ARAP1: variants seen among roughly 807,000 people sequenced by gnomAD.
The protein encoded by ARAP1 is ArfGAP with RhoGAP domain, ankyrin repeat and PH domain 1.
A neutral mutation model predicts 172.2 loss-of-function variants in ARAP1; 76 were observed. The ratio of observed to expected loss-of-function variants is 0.44; its 90% CI spans 0.37 to 0.53. ARAP1 has a LOEUF of 0.53. Ranked by LOEUF, ARAP1 falls within the 20% of genes least tolerant of loss-of-function variation. The probability of loss-of-function intolerance (pLI) is 0.00; values close to 1 mark genes in which losing one functional copy is unlikely to be tolerated. For synonymous variants in ARAP1, 804 were observed against 803.3 expected (o/e 1.00, Z -0.01); for missense variants, 1,686 against 1,977.5 (o/e 0.85, Z 2.80).
Position 72,735,726 on chromosome 11 carries a change from C to T in ARAP1, c.-127-3129G>A, listed in dbSNP as rs1197117967. 3.3e-5 allele frequency among the ~76,000 whole-genome samples: 5 copies of T among 152,316 alleles called. No individual in the cohort carries two copies. The East Asian group carries it at 7.7e-4, about 24-fold the overall frequency. On this transcript the variant is annotated intron_variant, in intron 1 of 34. Coordinates refer to ENST00000393609, the MANE Select transcript of ARAP1 (RefSeq NM_001040118.3). ...ACCAGGTCTGGGAAACAGGAAACTA[C>T]TTATCTCCCTGAGAAAAGCCTGGCT...
In ARAP1 at chr11:72,703,077, G is replaced by A. The variant is rs1300004837; in HGVS notation, c.1995C>T (p.Ala665=). Reference sequence around the variant, plus strand: ...CTGTGGTGGTGACTGCAGCACACAGGGCCTAGGAAGAGGCAGGGGAGGGTC... The same window carrying A: ...CTGTGGTGGTGACTGCAGCACACAGAGCCTAGGAAGAGGCAGGGGAGGGTC... ...LFGNQEELDK[A]LCAAVTTTDL... Residue 665 remains alanine, a splice_region_variant and synonymous_variant, in exon 15 of 35, where the codon GCC becomes GCT. Transcript: ENST00000393609. The A allele has an allele frequency of 6.4e-7, 1 of 1,562,124 alleles. No individual in the cohort carries two copies.
At chr11:72,729,993 C>A (rs1346600056) in intron 2 of ARAP1, among the ~76,000 whole-genome samples, 1 of 150,646 alleles carries the variant, frequency 6.6e-6, no homozygotes, top group Non-Finnish European at 1.5e-5. Flanking sequence ...CCAGAAGGCA[C>A]ACAGAAAAGA....
At chr11:72,697,223 G>C (rs763844351) in intron 21 of ARAP1, 28 bp from the exon 22 acceptor site, 24 of 1,593,420 alleles carry the variant, frequency 1.5e-5, no homozygotes, top group Admixed American at 5.0e-5. Context: ...CAAGCGTTCG[G>C]GGCCTGAGGC....
At chr11:72,706,153 C>T (rs1856751379) in intron 12 of ARAP1, among the ~76,000 whole-genome samples, 1 of 152,226 alleles carries the variant, frequency 6.6e-6, no homozygotes, top group East Asian at 1.9e-4. Context: ...TTGCAGGCCA[C>T]TCTTAACAAA....
intron 14 of ARAP1, 49 bp from the exon 15 acceptor site, chr11:72,703,128 C>T (rs553325924): frequency 3.4e-6 from 5 of 1,475,512 alleles, no homozygotes; most frequent in African/African-American, 1.4e-5. Flanking sequence ...AGGGGGCCCA[C>T]AAGGAAAGGG....
Position 72,685,531 on chromosome 11 carries a change from G to T in ARAP1, c.*133C>A. 7.8e-7 allele frequency: 1 copy of T among 1,276,912 alleles called. No individual in the cohort carries two copies. The highest frequency in any genetic ancestry group is 1.1e-6 in the Non-Finnish European group (1 of 884,278). 79.1% of individuals were successfully genotyped at this position (1,276,912 alleles called of 1,614,324 possible). A position where few individuals can be genotyped will look rare whatever the true frequency, so the allele number is the denominator to read the frequency against. On this transcript the variant is annotated 3_prime_UTR_variant, in exon 35 of 35. Transcript: ENST00000393609. ...GGGAACCCCATGCTGCAGTCAGGATGGAGGATGTGGGTTGTGGGGTGCAGT... is the reference window on the plus strand; with the variant it reads ...GGGAACCCCATGCTGCAGTCAGGATTGAGGATGTGGGTTGTGGGGTGCAGT...
intron 3 of ARAP1, among the ~76,000 whole-genome samples, chr11:72,720,186 T>G (rs2365439): frequency 0.67 from 101,753 of 152,010 alleles, 35,381 homozygotes; most frequent in African/African-American, 0.85. Context: ...CAGTGATCTG[T>G]GGACATCTGT....
chr11:72,706,406 C>A (rs751053880), intron 12 of ARAP1, among the ~76,000 whole-genome samples: 1 of 152,192 alleles, frequency 6.6e-6, no homozygotes, highest in Non-Finnish European at 1.5e-5. Context: ...TGCTCCTCCA[C>A]CTGGATCCCC....
At chr11:72,714,050 T>C in intron 4 of ARAP1, 102 bp downstream of exon 4, 1 of 1,272,978 alleles carries the variant, frequency 7.9e-7, no homozygotes, top group Non-Finnish European at 1.0e-6. Context: ...GGTGGCAGGC[T>C]TGCACAGAAA....
rs751419030 is a variant in ARAP1, at chr11:72,695,079, C to T, written c.3595G>A (p.Ala1199Thr). The change falls in exon 27 of 35, where the codon GCT becomes ACT. Residue 1199 changes from alanine (A) to threonine (T), a missense_variant. This residue lies in a region of ARAP1 where 379 missense variants were observed against 500.1 expected (regional missense o/e 0.76). Coordinates refer to ENST00000393609, the MANE Select transcript of ARAP1 (RefSeq NM_001040118.3). The surrounding 1 kb of genome is among the most constrained non-coding windows in gnomAD (Gnocchi z 4.4). ...AGGATCTCCAGGGTGAGCTCCTCAGCAGTCATGGATGCTGGGACCTGCAAG... is the reference window on the plus strand; with the variant it reads ...AGGATCTCCAGGGTGAGCTCCTCAGTAGTCATGGATGCTGGGACCTGCAAG... Reference protein sequence around the residue: ...QHIKVPASMTAEELTLEILDR... With the variant: ...QHIKVPASMTTEELTLEILDR... 2.5e-6 allele frequency: 4 copies of T among 1,614,050 alleles called. No homozygotes were observed. In the East Asian group the frequency reaches 6.7e-5, roughly 27 times the overall value.
intron 33 of ARAP1, chr11:72,687,125 C>A (rs1424581406): frequency 6.4e-5 from 26 of 405,386 alleles, no homozygotes; most frequent in Non-Finnish European, 9.6e-5. Flanking sequence ...ATCCCCTGGG[C>A]TCTTCACTGC....
Position 72,710,417 on chromosome 11 carries a change from C to T in ARAP1, c.1384G>A (p.Gly462Arg), listed in dbSNP as rs768253842. Residue 462 changes from glycine (G) to arginine (R), a missense_variant, in exon 10 of 35, where the codon GGG (glycine) becomes AGG (arginine). Physicochemically the swap from Gly to Arg is moderately radical, Grantham distance 125. Transcript: ENST00000393609. The surrounding 1 kb of genome is among the most constrained non-coding windows in gnomAD (Gnocchi z 4.3). ...TTCTTGTAGAGCTGCACTTTGTCCCCGACCACGGCCACGTACAGCTTATTC... is the reference window on the plus strand; with the variant it reads ...TTCTTGTAGAGCTGCACTTTGTCCCTGACCACGGCCACGTACAGCTTATTC... ...FKNKLYVAVV[G>R]DKVQLYKNLE... 64 of 1,613,916 alleles carry T rather than the reference C, an allele frequency of 4.0e-5. 1 individual carries two copies. Among genetic ancestry groups the T allele is most frequent in the South Asian group, 3.0e-4 (27 of 91,074 alleles).
intron 13 of ARAP1, chr11:72,705,252 T>C (rs1393790624): frequency 1.3e-5 from 2 of 154,472 alleles, no homozygotes; most frequent in African/African-American, 4.8e-5. Context: ...AGCACACATA[T>C]ATATACCCAC....
chr11:72,685,425 G>T lies in ARAP1; in HGVS notation c.*239C>A. ...GTGAACCCGGTGGGGTGAGCAGGTT[G>T]GGCCAAGAGGTCTGAACACCTGGAC... On this transcript the variant is annotated 3_prime_UTR_variant, in exon 35 of 35. Coordinates refer to ENST00000393609, the MANE Select transcript of ARAP1 (RefSeq NM_001040118.3). 5.1e-6 allele frequency: 3 copies of T among 585,592 alleles called. No homozygotes were observed. The highest frequency in any genetic ancestry group is 2.0e-5 in the South Asian group (1 of 49,690). The allele number at this position is 585,592 out of a possible 1,614,324, so 36.3% of individuals were successfully genotyped here.
In ARAP1 at chr11:72,695,864, C is replaced by CA. The variant is rs756618649; in HGVS notation, c.3273dup (p.Val1092CysfsTer42). On this transcript the variant is annotated frameshift_variant and splice_region_variant, in exon 24 of 35. Transcript: ENST00000393609. LOFTEE classifies it high-confidence loss of function. This position sits in a 1 kb window ranked among gnomAD's most constrained non-coding sequence, Gnocchi z 4.4. Reference sequence around the variant, plus strand: ...TGGTTCGTGTCTGAGAAGCACTGAACACTGGAGAGGGGAGGAGGAGGGCTT... The same window carrying CA: ...TGGTTCGTGTCTGAGAAGCACTGAACAACTGGAGAGGGGAGGAGGAGGGCTT... 6.2e-7 allele frequency: 1 copy of CA among 1,610,788 alleles called. No homozygotes were observed. The highest frequency in any genetic ancestry group is 8.5e-7 in the Non-Finnish European group (1 of 1,178,260).
chr11:72,713,847 A>G (rs950033852), intron 4 of ARAP1, among the ~76,000 whole-genome samples: 2 of 103,356 alleles, frequency 1.9e-5, no homozygotes, highest in Non-Finnish European at 3.8e-5. Flanking sequence ...ACTCCATCTC[A>G]AAAAAAAAAA....
Position 72,712,625 on chromosome 11 carries a change from C to T in ARAP1, c.748-57G>A, listed in dbSNP as rs749477591. The T allele has an allele frequency of 2.5e-6, 4 of 1,606,148 alleles. No individual in the cohort carries two copies. The South Asian group carries it at 3.3e-5, about 13-fold the overall frequency. ...CCCTTCAAGCCACAGATCACACCCA[C>T]CCGGGGCTGCCACGCCCCCTCTGTC... On this transcript the variant is annotated intron_variant, in intron 5 of 34. Transcript: ENST00000393609.
intron 3 of ARAP1, among the ~76,000 whole-genome samples, chr11:72,715,808 A>C (rs576886479): frequency 6.6e-6 from 1 of 152,130 alleles, no homozygotes; most frequent in East Asian, 1.9e-4. Flanking sequence ...GCAATCCTTT[A>C]ACTCTAAAAC....
intron 5 of ARAP1, 131 bp downstream of exon 5, chr11:72,713,045 T>G (rs1240585754): frequency 7.4e-6 from 7 of 944,858 alleles, no homozygotes; most frequent in Non-Finnish European, 1.2e-5. Context: ...GGCAAGAGAG[T>G]GAGGTGGGGG....
Sources: allele counts gnomAD v4.1 joint callset (sites outside exome capture counted in the v4.1 genomes callset), GRCh38; gene constraint gnomAD v4.1.1; regional missense constraint gnomAD v4.1.1; non-coding constraint Gnocchi (gnomAD v3.1); transcripts MANE v1.5; gene names NCBI Gene and HGNC (gene_info 2026-07-23, HGNC 2026-07-21).